The following SYCE1L variants were observed in gnomAD, a reference collection of about 807,000 sequenced individuals.
The protein encoded by SYCE1L is synaptonemal complex central element protein 1-like.
A neutral mutation model predicts 39.6 loss-of-function variants in SYCE1L; 51 were observed. The ratio of observed to expected loss-of-function variants is 1.29; its 90% CI spans 1.03 to 1.63. The LOEUF (loss-of-function observed/expected upper bound fraction) is 1.63. SYCE1L is among the 40% of genes most tolerant of loss of function. The pLI is 0.00. For synonymous variants in SYCE1L, 147 were observed against 122.4 expected (o/e 1.20, Z -1.33); for missense variants, 426 against 304.9 (o/e 1.40, Z -2.96).
rs1328958450 is a variant in SYCE1L, at chr16:77,212,631, G to C, written c.639G>C (p.Gly213=). 6 of 1,535,018 alleles carry C rather than the reference G, an allele frequency of 3.9e-6. No individual in the cohort carries two copies. The highest frequency in any genetic ancestry group is 5.2e-6 in the Non-Finnish European group (6 of 1,146,246). ...AGGTCCGGAGCGCCCCCGAGGTCGGGGCCGGCGAGGGAGAGGTAGGGAGCC... is the reference window on the plus strand; with the variant it reads ...AGGTCCGGAGCGCCCCCGAGGTCGGCGCCGGCGAGGGAGAGGTAGGGAGCC... The part of the protein sequence containing the change: ...GEQVRSAPEV[G]AGEGEAGPEL... The change falls in exon 10 of 11, where the codon GGG becomes GGC. Residue 213 remains glycine, a synonymous_variant. Transcript: ENST00000378644.
intron 1 of SYCE1L, among the ~76,000 whole-genome samples, chr16:77,205,433 A>AATATATATATATATACATGTATAT: frequency 6.9e-6 from 1 of 145,296 alleles, no homozygotes; most frequent in Admixed American, 6.9e-5. Flanking sequence ...CATAGAAGTA[A>AATATATATATATATACATGTATAT]ATATATATAT....
At position 77,211,232 on chromosome 16, in the gene SYCE1L, C is replaced by G. The variant is rs1446882337; in HGVS notation, c.379C>G (p.Leu127Val). Reference sequence around the variant, plus strand: ...CTCCAGGTTGGATGTCAGAGGACAGCTGGAGGATCTGATGGGCCAGCACAA... The same window carrying G: ...CTCCAGGTTGGATGTCAGAGGACAGGTGGAGGATCTGATGGGCCAGCACAA... ...EAQRLDVRGQ[L>V]EDLMGQHKDL... The change falls in exon 7 of 11, where the codon CTG becomes GTG. Residue 127 changes from leucine to valine, a missense_variant. Leu to Val is a conservative substitution (Grantham distance 32). Coordinates refer to ENST00000378644, the MANE Select transcript of SYCE1L (RefSeq NM_001129979.3). 4 of 1,551,930 alleles carry G rather than the reference C, an allele frequency of 2.6e-6. No individual in the cohort carries two copies. The highest frequency in any genetic ancestry group is 3.5e-6 in the Non-Finnish European group (4 of 1,147,048).
At position 77,213,146 on chromosome 16, in the gene SYCE1L, C is replaced by G. The variant is rs1294386373; in HGVS notation, c.*215C>G. 3 of 426,774 alleles carry G rather than the reference C, an allele frequency of 7.0e-6. No homozygotes were observed. The highest frequency in any genetic ancestry group is 4.1e-5 in the African/African-American group (2 of 48,994). The allele number at this position is 426,774 out of a possible 1,614,324, so 26.4% of individuals were successfully genotyped here. ...GAGGCTGGGTAAATGCTCCTGAACT[C>G]AGAGAGAGTAAGTGGGTGTCAGTAT... On this transcript the variant is annotated 3_prime_UTR_variant, in exon 11 of 11. Transcript: ENST00000378644.
chr16:77,211,345 A>G lies in SYCE1L; in HGVS notation c.423+69A>G, dbSNP rs1486808824. ...GCTTTAGTGTCGCACTGACTGGCCC[A>G]GAGTCCACCCCTGCCCAGGCTCAAT... On this transcript the variant is annotated intron_variant, in intron 7 of 10. Coordinates refer to ENST00000378644, the MANE Select transcript of SYCE1L (RefSeq NM_001129979.3). 28 of 1,528,004 alleles carry G rather than the reference A, an allele frequency of 1.8e-5. No individual in the cohort carries two copies. In the East Asian group the frequency reaches 6.6e-4, roughly 36 times the overall value. The allele number at this position is 1,528,004 out of a possible 1,614,324, so 94.7% of individuals were successfully genotyped here.
At position 77,209,319 on chromosome 16, in the gene SYCE1L, T is replaced by A. The variant is rs536142011; in HGVS notation, c.305-98T>A. ...GGAGTAAACACCCAAGTCCTCACAG[T>A]GCCCTCCAATGCCTGACATGATGTG... On this transcript the variant is annotated intron_variant, in intron 5 of 10. Coordinates refer to ENST00000378644, the MANE Select transcript of SYCE1L (RefSeq NM_001129979.3). The A allele has an allele frequency of 2.1e-5, 29 of 1,396,270 alleles. No homozygotes were observed. In the East Asian group the frequency reaches 4.5e-4, roughly 22 times the overall value. 86.5% of individuals were successfully genotyped at this position (1,396,270 alleles called of 1,614,324 possible).
chr16:77,206,772 T>C (rs973418542), intron 2 of SYCE1L, among the ~76,000 whole-genome samples: 1 of 152,126 alleles, frequency 6.6e-6, no homozygotes, highest in African/African-American at 2.4e-5. Flanking sequence ...CAAGCAGCTA[T>C]TGTTTTTCAA....
chr16:77,212,975 C>G lies in SYCE1L; in HGVS notation c.*44C>G. ...TTCCCGACCTTCCCTCGAGACCCGCCAAGAAATAAAGGCGATGATTTCCGA... is the reference window on the plus strand; with the variant it reads ...TTCCCGACCTTCCCTCGAGACCCGCGAAGAAATAAAGGCGATGATTTCCGA... On this transcript the variant is annotated 3_prime_UTR_variant, in exon 11 of 11. Transcript: ENST00000378644. 6.9e-7 allele frequency: 1 copy of G among 1,449,066 alleles called. No individual in the cohort carries two copies. Among genetic ancestry groups the G allele is most frequent in the Non-Finnish European group, 9.2e-7 (1 of 1,092,580 alleles). 89.8% of individuals were successfully genotyped at this position (1,449,066 alleles called of 1,614,324 possible).
chr16:77,209,508 C>T (rs2054808637), intron 6 of SYCE1L, 37 bp downstream of exon 6: 1 of 1,549,314 alleles, frequency 6.5e-7, no homozygotes, highest in African/African-American at 1.4e-5. Context: ...CTACCTCATT[C>T]CCCAGCTGAA....
At position 77,208,481 on chromosome 16, in the gene SYCE1L, T is replaced by G. The variant is rs2054801128; in HGVS notation, c.198T>G (p.Ser66Arg). The stretch of plus-strand genomic sequence containing the variant: ...TTGGCCCAGCAAAGAAGAAATCCAG[T>G]GAGGAACTGAGAGAGACCCACAGTC... ...NDLQQAKKKS[S>R]EELRETHSLW... Residue 66 changes from serine to arginine, a missense_variant, in exon 4 of 11, where the codon AGT (serine) becomes AGG (arginine). Ser to Arg is a moderately radical substitution (Grantham distance 110). Transcript: ENST00000378644. 3.9e-6 allele frequency: 6 copies of G among 1,551,650 alleles called. No individual in the cohort carries two copies. The highest frequency in any genetic ancestry group is 5.2e-6 in the Non-Finnish European group (6 of 1,146,976).
chr16:77,202,681 G>A (rs569287468), intron 1 of SYCE1L, among the ~76,000 whole-genome samples: 59 of 152,290 alleles, frequency 3.9e-4, no homozygotes, highest in Admixed American at 1.8e-3. Flanking sequence ...GTGATTATAG[G>A]ATTGGGGTCA....
intron 1 of SYCE1L, chr16:77,202,510 A>T (rs13331595): frequency 1.3e-5 from 2 of 152,212 alleles, no homozygotes; most frequent in African/African-American, 4.8e-5. Context: ...GCCTTATTTC[A>T]TGACTAGCAC....
rs2142517617 is a variant in SYCE1L at position 77,208,376 on chromosome 16, T to G, written c.182-89T>G. On this transcript the variant is annotated intron_variant, in intron 3 of 10. Transcript: ENST00000378644. The stretch of plus-strand genomic sequence containing the variant: ...AAATCTAGGCCCCTCTAGGGTTGTT[T>G]GAAGATGACTGTGCAATGTCATATT... 4 of 1,542,528 alleles carry G rather than the reference T, an allele frequency of 2.6e-6. No homozygotes were observed. In the East Asian group the frequency reaches 9.8e-5, roughly 38 times the overall value.
At chr16:77,211,073 C>A (rs1024006185) in intron 6 of SYCE1L, 140 bp from the exon 7 acceptor site, 1 of 884,236 alleles carries the variant, frequency 1.1e-6, no homozygotes, top group African/African-American at 1.7e-5. Flanking sequence ...CTACGGGAAC[C>A]AAAGCTTAGA....
In SYCE1L at chr16:77,206,504, A is replaced by G; in HGVS notation, c.121+4A>G. On this transcript the variant is annotated splice_donor_region_variant and intron_variant, in intron 2 of 10. Transcript: ENST00000378644. The stretch of plus-strand genomic sequence containing the variant: ...ATGGTGATAAAGCTGCAGAAAGGTC[A>G]TGTGTCTCTTTGTTTCTGAGCCTCA... The G allele has an allele frequency of 1.9e-6, 3 of 1,551,720 alleles. No individual in the cohort carries two copies. The highest frequency in any genetic ancestry group is 2.4e-5 in the South Asian group (2 of 84,058).
intron 1 of SYCE1L, among the ~76,000 whole-genome samples, chr16:77,205,044 C>CAA (rs1451754899): frequency 0.27 from 32,716 of 121,798 alleles, 5,771 homozygotes; most frequent in Non-Finnish European, 0.37. Context: ...GACTCCATCT[C>CAA]AAAAAAAAAA....
chr16:77,208,827 A>G (rs2054803874), intron 4 of SYCE1L, among the ~76,000 whole-genome samples: 1 of 152,090 alleles, frequency 6.6e-6, no homozygotes, highest in Admixed American at 6.5e-5. Context: ...CTGTGTGTGT[A>G]TTTCTTTATA....
chr16:77,212,110 C>G lies in SYCE1L; in HGVS notation c.424-20C>G. The stretch of plus-strand genomic sequence containing the variant: ...CCAAGAGGACGGCCAAACGGGGAGG[C>G]CTCCTCTTTGTCCTCGCAGATGCTG... On this transcript the variant is annotated intron_variant, in intron 7 of 10. Transcript: ENST00000378644. 3.2e-6 allele frequency: 5 copies of G among 1,544,938 alleles called. No homozygotes were observed. Among genetic ancestry groups the G allele is most frequent in the Non-Finnish European group, 4.4e-6 (5 of 1,144,744 alleles).
intron 1 of SYCE1L, among the ~76,000 whole-genome samples, chr16:77,204,722 A>G (rs2054773071): frequency 6.6e-6 from 1 of 152,196 alleles, no homozygotes; most frequent in Non-Finnish European, 1.5e-5. Context: ...GGGGTGCATC[A>G]TGTACAACAT....
Position 77,199,539 on chromosome 16 carries a change from C to T in SYCE1L, c.61+27C>T, listed in dbSNP as rs752430911. 5.9e-6 allele frequency: 9 copies of T among 1,521,934 alleles called. No homozygotes were observed. In the East Asian group the frequency reaches 1.5e-4, roughly 25 times the overall value. The allele number at this position is 1,521,934 out of a possible 1,614,324, so 94.3% of individuals were successfully genotyped here. A position where few individuals can be genotyped will look rare whatever the true frequency, so the allele number is the denominator to read the frequency against. On this transcript the variant is annotated intron_variant, in intron 1 of 10. Transcript: ENST00000378644. ...TAGTGAGGGCAAGTGGGCTGCACTC[C>T]TTTCTCTCCAACCAGGGCAGAAAGG...
Sources: gnomAD v4.1 joint callset for allele counts (sites outside exome capture counted in the v4.1 genomes callset) on GRCh38, gnomAD v4.1.1 for gene constraint, MANE v1.5 for transcripts, NCBI Gene and HGNC (gene_info 2026-07-23, HGNC 2026-07-21) for gene names.